Variants in TBC1D15 observed in about 807,000 individuals in gnomAD.
TBC1D15 encodes TBC1 domain family member 15, also known as GAP for RAB7.
TBC1D15 carries 39 observed loss-of-function variants against 95.4 expected under a neutral mutation model. The ratio of observed to expected loss-of-function variants is 0.41; its 90% confidence interval spans 0.32 to 0.53. The LOEUF is 0.53. TBC1D15 is among the 20% of genes least tolerant of loss of function. The probability of loss-of-function intolerance (pLI) is 0.29; values close to 1 mark genes in which losing one functional copy is unlikely to be tolerated. For synonymous variants in TBC1D15, 258 were observed against 261.3 expected (o/e 0.99, Z 0.12); for missense variants, 733 against 794.3 (o/e 0.92, Z 0.93).
At chr12:71,879,578 G>A (rs1894717070) in intron 3 of TBC1D15, among the ~76,000 whole-genome samples, 2 of 152,034 alleles carry the variant, frequency 1.3e-5, no homozygotes, top group Non-Finnish European at 2.9e-5. Context: ...AGTGTGAGAT[G>A]GTCCATTTCC....
chr12:71,870,531 A>G (rs1001823261), intron 1 of TBC1D15, among the ~76,000 whole-genome samples: 12 of 152,216 alleles, frequency 7.9e-5, no homozygotes, highest in African/African-American at 2.7e-4. Context: ...GTTTCCTGAC[A>G]TAAGTCCATA....
rs545237451 is a variant in TBC1D15, at chr12:71,843,930, A to AT, written c.30+4127dup. On this transcript the variant is annotated intron_variant, in intron 1 of 16. Coordinates refer to ENST00000485960, the MANE Select transcript of TBC1D15 (RefSeq NM_001146213.3). Reference sequence around the variant, plus strand: ...GCCCTTACAACCACCTGTATTGTGCATTTTTTTTAGTTCCATAGTCATTAC... The same window carrying AT: ...GCCCTTACAACCACCTGTATTGTGCATTTTTTTTTAGTTCCATAGTCATTAC... Among the ~76,000 whole-genome samples the AT allele has an allele frequency of 6.6e-5, 10 of 152,004 alleles. No homozygotes were observed. In the East Asian group the frequency reaches 1.4e-3, roughly 21 times the overall value.
At chr12:71,895,827 C>A in intron 7 of TBC1D15, 120 bp from the exon 8 acceptor site, 1 of 941,538 alleles carries the variant, frequency 1.1e-6, no homozygotes. Flanking sequence ...AAATAAGGAA[C>A]AATCTTAAAA....
At chr12:71,901,565 T>A (rs900604798) in intron 10 of TBC1D15, among the ~76,000 whole-genome samples, 1 of 152,130 alleles carries the variant, frequency 6.6e-6, no homozygotes, top group African/African-American at 2.4e-5. Flanking sequence ...CCATGAATTA[T>A]GAAACTAGAT....
At chr12:71,897,985 A>G (rs1304883028) in intron 10 of TBC1D15, 44 bp downstream of exon 10, 5 of 1,409,314 alleles carry the variant, frequency 3.5e-6, no homozygotes, top group African/African-American at 1.4e-5. Context: ...GGGGGATTAC[A>G]TTGAAATCTT....
chr12:71,875,043 A>T (rs931220660), intron 3 of TBC1D15, among the ~76,000 whole-genome samples: 3 of 151,872 alleles, frequency 2.0e-5, no homozygotes, highest in African/African-American at 7.3e-5. Flanking sequence ...GGCCCAAGCG[A>T]TCCATCCACC....
intron 1 of TBC1D15, among the ~76,000 whole-genome samples, chr12:71,860,965 G>A (rs1426010624): frequency 1.3e-5 from 2 of 151,976 alleles, no homozygotes; most frequent in Non-Finnish European, 2.9e-5. Flanking sequence ...TGAGATGATC[G>A]TATGATTTTT....
intron 14 of TBC1D15, among the ~76,000 whole-genome samples, chr12:71,919,035 C>T (rs560638262): frequency 6.6e-6 from 1 of 152,070 alleles, no homozygotes; most frequent in South Asian, 2.1e-4. Context: ...GATTCCATCA[C>T]CCAGGTAGTG....
At chr12:71,855,210 T>TG (rs1225996458) in intron 1 of TBC1D15, among the ~76,000 whole-genome samples, 1 of 152,090 alleles carries the variant, frequency 6.6e-6, no homozygotes, top group African/African-American at 2.4e-5. Flanking sequence ...GAGAACAGCA[T>TG]GGGGGAAACT....
intron 4 of TBC1D15, 27 bp downstream of exon 4, chr12:71,880,634 A>G (rs759335926): frequency 2.5e-5 from 39 of 1,586,370 alleles, no homozygotes; most frequent in Non-Finnish European, 2.9e-5. Context: ...TTGAAATCTT[A>G]AACTGATTTG....
At chr12:71,878,608 C>A (rs1319189306) in intron 3 of TBC1D15, among the ~76,000 whole-genome samples, 2 of 151,602 alleles carry the variant, frequency 1.3e-5, no homozygotes, top group Non-Finnish European at 2.9e-5. Context: ...CTCCGCCTCC[C>A]GAGTTCAAGC....
At chr12:71,915,930 G>T (rs760186332) in intron 12 of TBC1D15, among the ~76,000 whole-genome samples, 4 of 152,006 alleles carry the variant, frequency 2.6e-5, no homozygotes, top group African/African-American at 4.8e-5. Flanking sequence ...TCTTGATTCT[G>T]TGTTTCTGTT....
intron 5 of TBC1D15, among the ~76,000 whole-genome samples, chr12:71,886,756 A>G (rs1896306384): frequency 6.6e-6 from 1 of 152,192 alleles, no homozygotes; most frequent in Admixed American, 6.5e-5. Flanking sequence ...AACCTGTGAT[A>G]GGTTACCATT....
chr12:71,918,603 T>G, intron 14 of TBC1D15, 55 bp downstream of exon 14: 2 of 1,182,798 alleles, frequency 1.7e-6, no homozygotes, highest in Non-Finnish European at 2.4e-6. Flanking sequence ...AGAAACAATT[T>G]ATTCTGTAGA....
intron 1 of TBC1D15, among the ~76,000 whole-genome samples, chr12:71,843,075 G>A (rs1351155142): frequency 2.0e-5 from 3 of 151,780 alleles, no homozygotes; most frequent in African/African-American, 7.3e-5. Context: ...ACTTGAGGTC[G>A]GGAGTTTGAG....
intron 10 of TBC1D15, among the ~76,000 whole-genome samples, chr12:71,902,874 A>G (rs1899746334): frequency 6.6e-6 from 1 of 152,148 alleles, no homozygotes; most frequent in Non-Finnish European, 1.5e-5. Flanking sequence ...TCAAATCAAC[A>G]AGCAAAAACA....
intron 1 of TBC1D15, chr12:71,861,548 ATAGT>A (rs1890369020): frequency 7.1e-7 from 1 of 1,417,930 alleles, no homozygotes; most frequent in Non-Finnish European, 9.3e-7. Context: ...GTTTTAATGT[ATAGT>A]TTTTAAATTT....
At chr12:71,862,160 A>G (rs1247762561) in intron 1 of TBC1D15, among the ~76,000 whole-genome samples, 3 of 152,116 alleles carry the variant, frequency 2.0e-5, no homozygotes, top group African/African-American at 7.2e-5. Context: ...CAGCTGTTGG[A>G]TAAAATGTTT....
intron 10 of TBC1D15, among the ~76,000 whole-genome samples, chr12:71,902,962 G>A (rs1365069957): frequency 6.6e-6 from 1 of 152,182 alleles, no homozygotes; most frequent in African/African-American, 2.4e-5. Context: ...GCCCAGGCTG[G>A]AGTGCAGCAG....
Sources: gnomAD v4.1 joint callset for allele counts (sites outside exome capture counted in the v4.1 genomes callset) on GRCh38, gnomAD v4.1.1 for gene constraint, MANE v1.5 for transcripts, NCBI Gene and HGNC (gene_info 2026-07-23, HGNC 2026-07-21) for gene names.